Variants in LRP1B observed in about 807,000 individuals in gnomAD.
LRP1B encodes the protein low-density lipoprotein receptor-related protein 1B.
Under a neutral mutation model 556.6 loss-of-function variants are expected in LRP1B, and 217 were observed. The ratio of observed to expected loss-of-function variants is 0.39; its 90% CI spans 0.35 to 0.44. The LOEUF (loss-of-function observed/expected upper bound fraction) is 0.44. LRP1B is among the 20% of genes least tolerant of loss of function. The pLI, the probability that LRP1B is intolerant of heterozygous loss-of-function variation, is 1.00. For missense variants in LRP1B, 5,053 were observed against 5,620.8 expected, an observed-to-expected ratio of 0.90 and a Z score of 3.23; for synonymous variants, 2,047 against 1,865.8, an observed-to-expected ratio of 1.10 and a Z score of -2.50.
chr2:141,013,162 T>C (rs1174752223), intron 14 of LRP1B, among the ~76,000 whole-genome samples: 1 of 152,044 alleles, frequency 6.6e-6, no homozygotes, highest in East Asian at 1.9e-4. Context: ...ACATTTTTCT[T>C]GTATAATGCA....
At chr2:140,506,723 T>A in intron 53 of LRP1B, 73 bp downstream of exon 53, 2 of 1,519,978 alleles carry the variant, frequency 1.3e-6, no homozygotes, top group Non-Finnish European at 1.8e-6. Flanking sequence ...TTGCTTTAGT[T>A]TTTTATTTAC....
At chr2:141,889,703 T>C (rs1699226340) in intron 1 of LRP1B, among the ~76,000 whole-genome samples, 1 of 152,102 alleles carries the variant, frequency 6.6e-6, no homozygotes, top group Admixed American at 6.6e-5. Context: ...TTATTTGCCA[T>C]TATGTTGTAA....
chr2:141,494,207 A>C (rs2105118883), intron 2 of LRP1B, among the ~76,000 whole-genome samples: 1 of 152,248 alleles, frequency 6.6e-6, no homozygotes, highest in African/African-American at 2.4e-5. Context: ...CAAATACCAT[A>C]TGGTACAAGG....
At chr2:141,322,919 C>G (rs539169543) in intron 3 of LRP1B, among the ~76,000 whole-genome samples, 1 of 152,118 alleles carries the variant, frequency 6.6e-6, no homozygotes, top group East Asian at 1.9e-4. Context: ...AATTGCAGTC[C>G]TATAACTTAC....
At chr2:140,370,085 G>A (rs528772600) in intron 71 of LRP1B, among the ~76,000 whole-genome samples, 1 of 151,922 alleles carries the variant, frequency 6.6e-6, no homozygotes, top group African/African-American at 2.4e-5. Context: ...CAATTGCTAC[G>A]TTTAATATGG....
At chr2:141,356,650 T>C (rs1218333736) in intron 3 of LRP1B, among the ~76,000 whole-genome samples, 1 of 151,776 alleles carries the variant, frequency 6.6e-6, no homozygotes, top group African/African-American at 2.4e-5. Context: ...AGTTTTCAAA[T>C]AAATACCTTG....
intron 66 of LRP1B, among the ~76,000 whole-genome samples, chr2:140,398,852 G>A (rs991827934): frequency 3.3e-5 from 5 of 152,098 alleles, no homozygotes; most frequent in African/African-American, 9.7e-5. Context: ...GTGTCTAAAT[G>A]TATAACTTGT....
chr2:141,963,790 G>A (rs1251229733), intron 1 of LRP1B, among the ~76,000 whole-genome samples: 1 of 146,822 alleles, frequency 6.8e-6, no homozygotes, highest in African/African-American at 2.6e-5. Context: ...GTTAGGAAAA[G>A]AGGAAGTCAA....
Position 141,254,512 on chromosome 2 carries a change from T to C in LRP1B, c.463+10A>G, listed in dbSNP as rs1161234714. ...AAACAAAATTTGATGGCGTTATATG[T>C]TTTACTTACCTTTACAGCTTCTCCC... On this transcript the variant is annotated intron_variant, in intron 4 of 90. Coordinates refer to ENST00000389484, the MANE Select transcript of LRP1B (RefSeq NM_018557.3). 1 of 1,610,836 alleles carries C rather than the reference T, an allele frequency of 6.2e-7. No homozygotes were observed.
chr2:141,571,024 A>G (rs1412840516), intron 2 of LRP1B, among the ~76,000 whole-genome samples: 1 of 151,210 alleles, frequency 6.6e-6, no homozygotes, highest in Non-Finnish European at 1.5e-5. Flanking sequence ...GTTTCCCTCC[A>G]GCTTGGAGAC....
At chr2:141,995,901 C>T (rs1371493367) in intron 1 of LRP1B, among the ~76,000 whole-genome samples, 1 of 152,036 alleles carries the variant, frequency 6.6e-6, no homozygotes, top group Non-Finnish European at 1.5e-5. Flanking sequence ...TTTAAAAAAG[C>T]TTCAGTTTTG....
At chr2:141,090,231 T>G (rs931804897) in intron 7 of LRP1B, among the ~76,000 whole-genome samples, 1 of 152,212 alleles carries the variant, frequency 6.6e-6, no homozygotes, top group Non-Finnish European at 1.5e-5. Context: ...TAATAATCTA[T>G]CAATTTAATG....
intron 2 of LRP1B, among the ~76,000 whole-genome samples, chr2:141,793,899 C>T (rs537068821): frequency 1.2e-4 from 18 of 151,730 alleles, no homozygotes; most frequent in Admixed American, 7.2e-4. Context: ...CCAATTAAGT[C>T]GGAATATTAT....
At chr2:141,800,685 A>C (rs1422099044) in intron 2 of LRP1B, among the ~76,000 whole-genome samples, 3 of 152,200 alleles carry the variant, frequency 2.0e-5, no homozygotes, top group Non-Finnish European at 4.4e-5. Flanking sequence ...AATCATCATG[A>C]ATCTTTATCA....
At chr2:142,050,596 T>C (rs1459051150) in intron 1 of LRP1B, among the ~76,000 whole-genome samples, 1 of 152,198 alleles carries the variant, frequency 6.6e-6, no homozygotes, top group Non-Finnish European at 1.5e-5. Flanking sequence ...TTATTTCTCT[T>C]AGTAACTTAC....
chr2:141,762,562 T>A (rs866064853), intron 2 of LRP1B, among the ~76,000 whole-genome samples: 4 of 152,056 alleles, frequency 2.6e-5, no homozygotes, highest in Admixed American at 6.6e-5. Context: ...TGTATATTTT[T>A]TTACTCCGTA....
chr2:140,965,561 A>ATTAT (rs1696183992), intron 18 of LRP1B, among the ~76,000 whole-genome samples: 1 of 7,580 alleles, frequency 1.3e-4, no homozygotes, highest in Non-Finnish European at 8.0e-4. Flanking sequence ...TTTTCTTTTA[A>ATTAT]TTTTTTTATT....
intron 1 of LRP1B, among the ~76,000 whole-genome samples, chr2:141,885,923 T>C (rs966455838): frequency 6.6e-6 from 1 of 152,166 alleles, no homozygotes; most frequent in Non-Finnish European, 1.5e-5. Context: ...TTGATGAATA[T>C]ATGTGCTCTG....
At chr2:141,031,660 G>C (rs1390771541) in intron 11 of LRP1B, among the ~76,000 whole-genome samples, 1 of 151,942 alleles carries the variant, frequency 6.6e-6, no homozygotes, top group East Asian at 1.9e-4. Context: ...GGATCCAGAA[G>C]AGACAACTTG....
Sources: allele counts gnomAD v4.1 joint callset (sites outside exome capture counted in the v4.1 genomes callset), GRCh38; gene constraint gnomAD v4.1.1; transcripts MANE v1.5; gene names NCBI Gene and HGNC (gene_info 2026-07-23, HGNC 2026-07-21).